The following SH3D19 variants were observed in gnomAD, a reference collection of about 807,000 sequenced individuals.
SH3D19 encodes SH3 domain-containing protein 19.
In SH3D19, 58 loss-of-function variants were observed where a neutral mutation model predicts 112.1. The ratio of observed to expected loss-of-function variants is 0.52; its 90% CI spans 0.42 to 0.64. SH3D19 has a LOEUF of 0.64. Ranked by LOEUF, SH3D19 falls within the 30% of genes least tolerant of loss-of-function variation. The pLI is 0.00. For missense variants in SH3D19, 1,090 were observed against 1,263.4 expected (o/e 0.86, Z 2.08); for synonymous variants, 391 against 448.5 (o/e 0.87, Z 1.62).
chr4:151,158,824 T>G (rs990468747), intron 9 of SH3D19, among the ~76,000 whole-genome samples: 1 of 152,140 alleles, frequency 6.6e-6, no homozygotes, highest in Non-Finnish European at 1.5e-5. Flanking sequence ...AAATACATTT[T>G]TCTTAAATTT....
intron 2 of SH3D19, among the ~76,000 whole-genome samples, chr4:151,196,430 AAAAC>A (rs1763482385): frequency 6.6e-6 from 1 of 152,198 alleles, no homozygotes; most frequent in African/African-American, 2.4e-5. Flanking sequence ...CCCTGTCTCA[AAAAC>A]AAACAAACAA....
intron 1 of SH3D19, among the ~76,000 whole-genome samples, chr4:151,230,704 T>C (rs1215930358): frequency 2.6e-5 from 4 of 151,764 alleles, no homozygotes; most frequent in African/African-American, 4.8e-5. Context: ...GTGATTCTTC[T>C]GCCTCAGCTG....
At chr4:151,163,290 C>T (rs1457692164) in intron 8 of SH3D19, among the ~76,000 whole-genome samples, 1 of 152,170 alleles carries the variant, frequency 6.6e-6, no homozygotes, top group East Asian at 1.9e-4. Context: ...TCTGTTGAGT[C>T]CTGTGAGTCC....
intron 13 of SH3D19, among the ~76,000 whole-genome samples, chr4:151,138,565 C>T (rs898584573): frequency 1.3e-5 from 2 of 151,598 alleles, no homozygotes; most frequent in Non-Finnish European, 2.9e-5. Context: ...GGTGTAGTGG[C>T]ACCCCTGTAG....
intron 19 of SH3D19, among the ~76,000 whole-genome samples, chr4:151,124,673 G>A (rs1052750223): frequency 1.5e-4 from 23 of 151,904 alleles, no homozygotes; most frequent in Admixed American, 5.9e-4. Flanking sequence ...AGCCGAGATC[G>A]CGCCGCTGAC....
At chr4:151,196,731 A>C (rs1763527349) in intron 2 of SH3D19, among the ~76,000 whole-genome samples, 1 of 152,180 alleles carries the variant, frequency 6.6e-6, no homozygotes, top group South Asian at 2.1e-4. Flanking sequence ...GAAAATCTTC[A>C]CAATCTATAC....
At chr4:151,155,612 G>A (rs1030402993) in intron 9 of SH3D19, among the ~76,000 whole-genome samples, 21 of 152,138 alleles carry the variant, frequency 1.4e-4, no homozygotes, top group East Asian at 9.6e-4. Flanking sequence ...GGGGTCTGGC[G>A]TGGTTGCTCA....
chr4:151,255,800 G>A (rs1027859901), intron 1 of SH3D19, among the ~76,000 whole-genome samples: 13 of 152,346 alleles, frequency 8.5e-5, no homozygotes, highest in African/African-American at 3.1e-4. Flanking sequence ...CGAGGCTGGC[G>A]GATCACTTGC....
At chr4:151,216,314 C>T (rs962944957) in intron 2 of SH3D19, among the ~76,000 whole-genome samples, 3 of 152,114 alleles carry the variant, frequency 2.0e-5, no homozygotes, top group African/African-American at 7.2e-5. Flanking sequence ...GTGATGTATG[C>T]TGTGTTCAAT....
At chr4:151,214,897 G>T (rs1289641218) in intron 2 of SH3D19, among the ~76,000 whole-genome samples, 3 of 145,052 alleles carry the variant, frequency 2.1e-5, no homozygotes, top group South Asian at 2.3e-4. Flanking sequence ...GGGCGGAGGG[G>T]CTCCTCACTT....
chr4:151,289,746 A>G (rs987192523), intron 1 of SH3D19, among the ~76,000 whole-genome samples: 4 of 152,170 alleles, frequency 2.6e-5, no homozygotes, highest in African/African-American at 9.7e-5. Flanking sequence ...TTCCACTCCT[A>G]GGTATATGAC....
intron 2 of SH3D19, among the ~76,000 whole-genome samples, chr4:151,197,936 T>A (rs1763718454): frequency 6.6e-6 from 1 of 152,192 alleles, no homozygotes; most frequent in Non-Finnish European, 1.5e-5. Flanking sequence ...AATTTGAATG[T>A]TATTAATAAA....
intron 1 of SH3D19, among the ~76,000 whole-genome samples, chr4:151,245,334 A>G (rs1386348777): frequency 6.6e-6 from 1 of 152,020 alleles, no homozygotes; most frequent in Non-Finnish European, 1.5e-5. Context: ...TTTTAGGGGA[A>G]AAAGTGAGGA....
At chr4:151,205,799 C>T (rs1765019050) in intron 2 of SH3D19, among the ~76,000 whole-genome samples, 1 of 152,176 alleles carries the variant, frequency 6.6e-6, no homozygotes, top group Admixed American at 6.5e-5. Flanking sequence ...TCCACACATC[C>T]ACCCGTACAA....
At chr4:151,171,070 C>T (rs573289932) in intron 7 of SH3D19, among the ~76,000 whole-genome samples, 8 of 152,160 alleles carry the variant, frequency 5.3e-5, no homozygotes, top group Non-Finnish European at 1.2e-4. Context: ...TATGGATGTA[C>T]TATAATTTAT....
At chr4:151,236,145 G>A (rs896005699) in intron 1 of SH3D19, among the ~76,000 whole-genome samples, 9 of 152,256 alleles carry the variant, frequency 5.9e-5, no homozygotes, top group African/African-American at 1.4e-4. Flanking sequence ...CGCTCTGGCC[G>A]CGCTGGAGGA....
chr4:151,271,221 T>C (rs2149997549), intron 1 of SH3D19, among the ~76,000 whole-genome samples: 1 of 152,348 alleles, frequency 6.6e-6, no homozygotes, highest in East Asian at 1.9e-4. Context: ...CCACTATGCG[T>C]GGCCTCAGAT....
At chr4:151,165,838 A>G (rs1362516708) in intron 7 of SH3D19, 142 bp from the exon 8 acceptor site, 1 of 649,368 alleles carries the variant, frequency 1.5e-6, no homozygotes, top group African/African-American at 1.8e-5. Context: ...TTGCAGAGAC[A>G]AAAACAAAGT....
chr4:151,230,597 CTTT>C (rs201617546), intron 1 of SH3D19, among the ~76,000 whole-genome samples: 4 of 136,946 alleles, frequency 2.9e-5, no homozygotes, highest in South Asian at 2.4e-4. Context: ...TAAAGTGAGT[CTTT>C]TTTTTTTTTT....
Sources: allele counts gnomAD v4.1 joint callset (sites outside exome capture counted in the v4.1 genomes callset), GRCh38; gene constraint gnomAD v4.1.1; transcripts MANE v1.5; gene names NCBI Gene and HGNC (gene_info 2026-07-23, HGNC 2026-07-21).